The following EPB41 variants were observed in gnomAD, a reference collection of about 807,000 sequenced individuals.
EPB41 encodes the protein erythrocyte membrane protein band 4.1.
In EPB41, 65 loss-of-function variants were observed where a neutral mutation model predicts 108.0. That is an observed-to-expected ratio of 0.60 (90% CI 0.49 to 0.74). EPB41 has a LOEUF of 0.74. Ranked by LOEUF, EPB41 falls within the 30% of genes least tolerant of loss-of-function variation. EPB41 has a pLI of 0.00. For synonymous variants in EPB41, 336 were observed against 358.9 expected, an observed-to-expected ratio of 0.94 and a Z score of 0.72; for missense variants, 875 against 1,037.0, an observed-to-expected ratio of 0.84 and a Z score of 2.15.
Position 29,065,132 on chromosome 1 carries a change from A to G in EPB41, c.2158A>G (p.Asn720Asp). The change falls in exon 16 of 21, where the codon AAT (asparagine) becomes GAT (aspartate). Residue 720 changes from asparagine to aspartate, a missense_variant. This residue lies in a region of EPB41 where 519 missense variants were observed against 627.3 expected (regional missense o/e 0.83). Transcript: ENST00000343067. ...CTCACCCTTCCGAACTCTTAACATC[A>G]ATGGGCAAATCCCCACAGGAGAAGG... ...THSPFRTLNINGQIPTGEGPP... is the reference protein window; with the variant it reads ...THSPFRTLNIDGQIPTGEGPP... 6.2e-7 allele frequency: 1 copy of G among 1,608,814 alleles called. No homozygotes were observed. The highest frequency in any genetic ancestry group is 8.5e-7 in the Non-Finnish European group (1 of 1,176,276).
chr1:28,935,467 A>ACACACACACACACACACACACACACACAC (rs1294457517), intron 1 of EPB41, among the ~76,000 whole-genome samples: 2 of 64,216 alleles, frequency 3.1e-5, no homozygotes, highest in Non-Finnish European at 3.2e-5. Flanking sequence ...ACACACACAC[A>ACACACACACACACACACACACACACACAC]CCCCCCCCCC....
At position 29,018,578 on chromosome 1, in the gene EPB41, G is replaced by T; in HGVS notation, c.1124+136G>T. Reference sequence around the variant, plus strand: ...TCAGTTTCCTCCACTGTTTGACTTTGGGCAGGTTACTTAACCTCTCTTAAT... The same window carrying T: ...TCAGTTTCCTCCACTGTTTGACTTTTGGCAGGTTACTTAACCTCTCTTAAT... On this transcript the variant is annotated intron_variant, in intron 7 of 20. Coordinates refer to ENST00000343067, the MANE Select transcript of EPB41 (RefSeq NM_001376013.1). The surrounding 1 kb of genome is among the most constrained non-coding windows in gnomAD (Gnocchi z 4.4). The T allele has an allele frequency of 1.1e-6, 1 of 913,080 alleles. No homozygotes were observed. The highest frequency in any genetic ancestry group is 1.4e-5 in the South Asian group (1 of 72,426). The allele number at this position is 913,080 out of a possible 1,614,324, so 56.6% of individuals were successfully genotyped here.
intron 1 of EPB41, among the ~76,000 whole-genome samples, chr1:28,947,640 A>G (rs2094537681): frequency 6.6e-6 from 1 of 151,796 alleles, no homozygotes. Context: ...CAGTGTGGCC[A>G]ACATGATGAA....
chr1:29,109,516 T>A, intron 18 of EPB41, 79 bp downstream of exon 18: 1 of 1,182,458 alleles, frequency 8.5e-7, no homozygotes, highest in Non-Finnish European at 1.3e-6. Context: ...AGAAGGACCC[T>A]AGTCCATAAG....
intron 4 of EPB41, among the ~76,000 whole-genome samples, chr1:29,004,928 T>C (rs1190364555): frequency 2.6e-5 from 4 of 152,174 alleles, no homozygotes; most frequent in African/African-American, 9.7e-5. Flanking sequence ...AAATCTCTTA[T>C]GTGTATGCGT....
rs573725815 is a variant in EPB41 at position 29,035,705 on chromosome 1, C to T, written c.1366-121C>T. Reference sequence around the variant, plus strand: ...AAAAATTCCAAATGACATTTTATGTCCTTAAATTGGTAACAATGGCCTCTT... The same window carrying T: ...AAAAATTCCAAATGACATTTTATGTTCTTAAATTGGTAACAATGGCCTCTT... On this transcript the variant is annotated intron_variant, in intron 9 of 20. Transcript: ENST00000343067. The T allele has an allele frequency of 3.3e-5, 25 of 750,764 alleles. No homozygotes were observed. The South Asian group carries it at 3.6e-4, about 11-fold the overall frequency. 46.5% of individuals were successfully genotyped at this position (750,764 alleles called of 1,614,324 possible).
At chr1:29,050,776 G>A (rs924892845) in intron 11 of EPB41, among the ~76,000 whole-genome samples, 5 of 151,462 alleles carry the variant, frequency 3.3e-5, no homozygotes, top group African/African-American at 1.2e-4. Context: ...CCTGGGTTCA[G>A]GCCATTCACC....
At position 29,025,031 on chromosome 1, in the gene EPB41, G is replaced by A. The variant is rs2096701919; in HGVS notation, c.1125-5369G>A. Among the ~76,000 whole-genome samples, 5 of 152,158 alleles carry A rather than the reference G, an allele frequency of 3.3e-5. No individual in the cohort carries two copies. The South Asian group carries it at 1.0e-3, about 32-fold the overall frequency. On this transcript the variant is annotated intron_variant, in intron 7 of 20. Transcript: ENST00000343067. ...ATTTTACTATGCATTGGAAAGTGCA[G>A]TACAAGCACTTCTCAGATAGAAGAC...
At chr1:29,091,641 A>G (rs1388548070) in intron 16 of EPB41, among the ~76,000 whole-genome samples, 3 of 152,230 alleles carry the variant, frequency 2.0e-5, no homozygotes, top group Admixed American at 6.5e-5. Context: ...TCAGAACCCT[A>G]TAAGTCAAAC....
At chr1:28,899,760 C>T (rs1442215067) in intron 1 of EPB41, among the ~76,000 whole-genome samples, 1 of 152,156 alleles carries the variant, frequency 6.6e-6, no homozygotes, top group Non-Finnish European at 1.5e-5. Flanking sequence ...ACCTACCCTT[C>T]CTGAGCCTTC....
chr1:29,057,919 G>A (rs1323158935), intron 12 of EPB41, among the ~76,000 whole-genome samples: 4 of 152,174 alleles, frequency 2.6e-5, no homozygotes, highest in Non-Finnish European at 5.9e-5. Flanking sequence ...TGTTGCAGCT[G>A]AATCCTGCAT....
At chr1:28,987,953 C>T (rs780729304) in intron 2 of EPB41, 48 bp downstream of exon 2, 1 of 1,584,492 alleles carries the variant, frequency 6.3e-7, no homozygotes, top group Admixed American at 1.7e-5. Flanking sequence ...GCAGGTTATA[C>T]ACTTTATTTT....
chr1:28,907,244 T>C (rs1462430528), intron 1 of EPB41, among the ~76,000 whole-genome samples: 1 of 151,924 alleles, frequency 6.6e-6, no homozygotes, highest in Non-Finnish European at 1.5e-5. Flanking sequence ...TTTGTATTTT[T>C]AGTAGAGACA....
chr1:29,079,243 C>T (rs1046462928), intron 16 of EPB41, among the ~76,000 whole-genome samples: 30 of 150,518 alleles, frequency 2.0e-4, no homozygotes, highest in African/African-American at 6.8e-4. Context: ...GTGATCTGCC[C>T]GCCTCAGTCT....
At position 28,976,049 on chromosome 1, in the gene EPB41, A is replaced by G. The variant is rs368694081; in HGVS notation, c.-7-11382A>G. On this transcript the variant is annotated intron_variant, in intron 1 of 20. Coordinates refer to ENST00000343067, the MANE Select transcript of EPB41 (RefSeq NM_001376013.1). ...CTTAGCCAGATTGAATAGTCTGTGCATAACTTCTCAACAGATAGGGGTTTA... is the reference window on the plus strand; with the variant it reads ...CTTAGCCAGATTGAATAGTCTGTGCGTAACTTCTCAACAGATAGGGGTTTA... Among the ~76,000 whole-genome samples the G allele has an allele frequency of 2.5e-3, 383 of 152,218 alleles. 3 individuals are homozygous for G. Among genetic ancestry groups the G allele is most frequent in the African/African-American group, 8.8e-3 (364 of 41,530 alleles).
intron 1 of EPB41, chr1:28,982,715 A>G (rs2095787202): frequency 1.8e-6 from 1 of 544,428 alleles, no homozygotes; most frequent in African/African-American, 1.9e-5. Context: ...CTGCAGTTAT[A>G]TAAGCTATTT....
chr1:29,060,743 A>G (rs868007555), intron 15 of EPB41, among the ~76,000 whole-genome samples: 2 of 152,186 alleles, frequency 1.3e-5, no homozygotes, highest in Non-Finnish European at 2.9e-5. Context: ...TCATGGTTCC[A>G]TTGTTTTACC....
In EPB41 at chr1:29,116,200, T is replaced by C. The variant is rs1670903394; in HGVS notation, c.*6+397T>C. Among the ~76,000 whole-genome samples the C allele has an allele frequency of 4.7e-5, 7 of 150,516 alleles. No homozygotes were observed. In the South Asian group the frequency reaches 1.5e-3, roughly 32 times the overall value. On this transcript the variant is annotated intron_variant, in intron 20 of 20. Transcript: ENST00000343067. ...GGAGTCTCATTCTGTCACCCAGGCT[T>C]GAGTGCAGTGGCATGATCTTAGCTC...
At chr1:28,994,643 T>TTATG (rs1254570047) in intron 3 of EPB41, among the ~76,000 whole-genome samples, 20 of 147,692 alleles carry the variant, frequency 1.4e-4, no homozygotes, top group Non-Finnish European at 2.5e-4. Flanking sequence ...TTTTATTTAT[T>TTATG]TATTTATTTA....
Sources: gnomAD v4.1 joint callset for allele counts (sites outside exome capture counted in the v4.1 genomes callset) on GRCh38, gnomAD v4.1.1 for gene constraint, gnomAD v4.1.1 regional missense constraint, Gnocchi (gnomAD v3.1) non-coding constraint, MANE v1.5 for transcripts, NCBI Gene and HGNC (gene_info 2026-07-23, HGNC 2026-07-21) for gene names.